UBAP2L: variants seen among roughly 807,000 people sequenced by gnomAD.
The protein encoded by UBAP2L is ubiquitin-associated protein 2-like.
A neutral mutation model predicts 130.6 loss-of-function variants in UBAP2L; 12 were observed. The observed-to-expected ratio is 0.09, with a 90% CI of 0.06 to 0.15. The LOEUF (loss-of-function observed/expected upper bound fraction) is 0.15, where lower values mean the gene tolerates loss of function less well. UBAP2L is among the 10% of genes least tolerant of loss of function. UBAP2L has a pLI of 1.00. For missense variants in UBAP2L, 965 were observed against 1,332.5 expected (o/e 0.72, Z 4.29); for synonymous variants, 503 against 524.7 (o/e 0.96, Z 0.57).
intron 1 of UBAP2L, among the ~76,000 whole-genome samples, chr1:154,224,345 C>G (rs1158621628): frequency 6.6e-6 from 1 of 152,136 alleles, no homozygotes; most frequent in African/African-American, 2.4e-5. Context: ...ATTTTGGTTT[C>G]TTGAAAATGT....
chr1:154,236,560 C>CTTTAGG lies in UBAP2L; in HGVS notation c.545-4_546dup, dbSNP rs1558145119. ...CTCTCTTCTCTTTTTCTCATTCTTT[C>CTTTAGG]TTTAGGTGGCTCTGGTAGGCGAGGA... On this transcript the variant is annotated splice_region_variant and splice_polypyrimidine_tract_variant and intron_variant, in intron 6 of 26. Transcript: ENST00000428931. 6.2e-7 allele frequency: 1 copy of CTTTAGG among 1,613,764 alleles called. No individual in the cohort carries two copies. The highest frequency in any genetic ancestry group is 8.5e-7 in the Non-Finnish European group (1 of 1,179,930).
At chr1:154,262,353 C>A (rs1183425019) in intron 24 of UBAP2L, among the ~76,000 whole-genome samples, 2 of 152,124 alleles carry the variant, frequency 1.3e-5, no homozygotes, top group African/African-American at 4.8e-5. Flanking sequence ...TGGGTACTTA[C>A]CTAAAAGATA....
intron 10 of UBAP2L, among the ~76,000 whole-genome samples, chr1:154,243,649 C>T (rs762425299): frequency 9.2e-5 from 14 of 151,996 alleles, no homozygotes; most frequent in Admixed American, 2.0e-4. Context: ...TTAGTAGAGA[C>T]GGTGTTTCAC....
chr1:154,253,810 T>C, intron 14 of UBAP2L, 90 bp from the exon 15 acceptor site: 2 of 1,309,934 alleles, frequency 1.5e-6, no homozygotes, highest in Non-Finnish European at 2.1e-6. Context: ...CAAATCAAGT[T>C]ATTCCACTAG....
Position 154,251,508 on chromosome 1 carries a change from G to A in UBAP2L, c.1519G>A (p.Gly507Ser). 6.2e-7 allele frequency: 1 copy of A among 1,614,050 alleles called. No individual in the cohort carries two copies. Among genetic ancestry groups the A allele is most frequent in the Non-Finnish European group, 8.5e-7 (1 of 1,180,006 alleles). ...KIPALAVEMP[G>S]SADISGLNLQ... is the part of the protein sequence containing the mutation. ...TCCTGCTCTGGCTGTGGAGATGCCT[G>A]GCTCAGCAGATATCTCAGGGCTAAA... Residue 507 changes from glycine (G) to serine (S), a missense_variant, in exon 14 of 27, where the codon GGC becomes AGC. By Grantham distance (56) the Gly-to-Ser change is moderately conservative. Transcript: ENST00000428931.
At chr1:154,267,159 T>TG (rs1175228378) in intron 25 of UBAP2L, among the ~76,000 whole-genome samples, 2 of 147,762 alleles carry the variant, frequency 1.4e-5, no homozygotes, top group African/African-American at 2.5e-5. Context: ...GAGTTTTTTT[T>TG]TTTTTTTTTT....
chr1:154,263,296 T>C, intron 24 of UBAP2L: 2 of 1,454,218 alleles, frequency 1.4e-6, no homozygotes, highest in Non-Finnish European at 1.8e-6. Flanking sequence ...GGTGGATACC[T>C]TCTGGGCTTT....
At chr1:154,240,330 A>G (rs1035019159) in intron 8 of UBAP2L, among the ~76,000 whole-genome samples, 2 of 151,812 alleles carry the variant, frequency 1.3e-5, no homozygotes, top group African/African-American at 2.4e-5. Flanking sequence ...CTGAAAATAT[A>G]TGTATACATG....
chr1:154,234,797 G>C, intron 5 of UBAP2L, 38 bp downstream of exon 5: 1 of 1,556,516 alleles, frequency 6.4e-7, no homozygotes, highest in South Asian at 1.2e-5. Context: ...CTGTGGGTCA[G>C]TAATGTCTAG....
chr1:154,268,247 A>AGT (rs1379764656), intron 25 of UBAP2L, among the ~76,000 whole-genome samples: 3 of 150,248 alleles, frequency 2.0e-5, no homozygotes, highest in African/African-American at 7.4e-5. Context: ...GCTGGAGTGC[A>AGT]GTGGCACAGT....
At chr1:154,228,828 T>C in intron 4 of UBAP2L, 103 bp downstream of exon 4, 3 of 759,404 alleles carry the variant, frequency 4.0e-6, no homozygotes, top group Non-Finnish European at 6.1e-6. Context: ...AGAGCACCTT[T>C]TTCTTGAAGT....
At chr1:154,223,154 T>C (rs1171113715) in intron 1 of UBAP2L, among the ~76,000 whole-genome samples, 4 of 152,220 alleles carry the variant, frequency 2.6e-5, no homozygotes, top group Admixed American at 2.0e-4. Context: ...TCGAAGCACT[T>C]GTAAGAGGGA....
At chr1:154,224,012 A>G (rs974196697) in intron 1 of UBAP2L, among the ~76,000 whole-genome samples, 6 of 152,226 alleles carry the variant, frequency 3.9e-5, no homozygotes, top group African/African-American at 1.4e-4. Context: ...CTATCATATG[A>G]TTAATGTTTT....
chr1:154,250,925 G>A, intron 12 of UBAP2L, 116 bp from the exon 13 acceptor site: 2 of 1,081,912 alleles, frequency 1.8e-6, no homozygotes, highest in South Asian at 3.3e-5. Flanking sequence ...AAGAGGGCCT[G>A]CTTATATGAG....
chr1:154,259,156 T>C (rs1232115118), intron 21 of UBAP2L, 126 bp downstream of exon 21: 1 of 838,324 alleles, frequency 1.2e-6, no homozygotes, highest in Non-Finnish European at 1.9e-6. Context: ...TTAAGGCATA[T>C]TAGAATATAG....
In UBAP2L at chr1:154,249,364, T is replaced by C; in HGVS notation, c.1140T>C (p.Ser380=). ...QALAQLAAQH[S]QSGSTTTSSW... is the part of the protein sequence containing the mutation. Reference sequence around the variant, plus strand: ...TGGCTCAGTTGGCAGCTCAGCATTCTCAGTCTGGAAGCACCACCACCTCCT... The same window carrying C: ...TGGCTCAGTTGGCAGCTCAGCATTCCCAGTCTGGAAGCACCACCACCTCCT... The change falls in exon 12 of 27, where the codon TCT becomes TCC. Residue 380 remains serine, a synonymous_variant. Coordinates refer to ENST00000428931, the MANE Select transcript of UBAP2L (RefSeq NM_014847.4). The C allele has an allele frequency of 6.2e-7, 1 of 1,614,182 alleles. No individual in the cohort carries two copies.
At chr1:154,263,535 G>A in intron 24 of UBAP2L, 1 of 1,009,612 alleles carries the variant, frequency 9.9e-7, no homozygotes. Context: ...ATGTCTTTGT[G>A]GACACTAGGA....
chr1:154,268,474 A>AGC (rs1239230114), intron 25 of UBAP2L, among the ~76,000 whole-genome samples: 1 of 152,050 alleles, frequency 6.6e-6, no homozygotes, highest in East Asian at 1.9e-4. Flanking sequence ...TACAGATGTG[A>AGC]GCCACCATGC....
intron 2 of UBAP2L, among the ~76,000 whole-genome samples, chr1:154,225,670 G>T (rs1667681805): frequency 6.6e-6 from 1 of 152,122 alleles, no homozygotes; most frequent in South Asian, 2.1e-4. Context: ...TAGTCTTGCT[G>T]CATTGCCCAG....
Sources: allele counts gnomAD v4.1 joint callset (sites outside exome capture counted in the v4.1 genomes callset), GRCh38; gene constraint gnomAD v4.1.1; transcripts MANE v1.5; gene names NCBI Gene and HGNC (gene_info 2026-07-23, HGNC 2026-07-21).